Variants in RIT2 observed in about 807,000 individuals in gnomAD.
RIT2 encodes the protein Ras like without CAAX 2, also known as GTP-binding protein Rit2.
RIT2 carries 24 observed loss-of-function variants against 23.7 expected under a neutral mutation model. The ratio of observed to expected loss-of-function variants is 1.01; its 90% CI spans 0.73 to 1.43. The LOEUF is 1.43. RIT2 is among the 40% of genes most tolerant of loss of function. The pLI, the probability that RIT2 is intolerant of heterozygous loss-of-function variation, is 0.00. For synonymous variants in RIT2, 107 were observed against 91.1 expected, an observed-to-expected ratio of 1.17 and a Z score of -0.99; for missense variants, 236 against 266.9, an observed-to-expected ratio of 0.88 and a Z score of 0.81.
intron 1 of RIT2, among the ~76,000 whole-genome samples, chr18:43,104,601 T>C (rs1484995805): frequency 6.6e-6 from 1 of 152,196 alleles, no homozygotes; most frequent in East Asian, 1.9e-4. Context: ...ATTCCAGACT[T>C]CTGTTACTCA....
At position 42,928,109 on chromosome 18, in the gene RIT2, T is replaced by C. The variant is rs564265290; in HGVS notation, c.235-4346A>G. On this transcript the variant is annotated intron_variant, in intron 3 of 4. Coordinates refer to ENST00000326695, the MANE Select transcript of RIT2 (RefSeq NM_002930.4). The stretch of plus-strand genomic sequence containing the variant: ...TACTGATCTGAATCCCTTTTGGCCA[T>C]CTCTTTAATAAACCGCATGTCCACA... Among the ~76,000 whole-genome samples the C allele has an allele frequency of 1.2e-4, 19 of 152,016 alleles. No homozygotes were observed. In the South Asian group the frequency reaches 3.5e-3, roughly 28 times the overall value.
intron 4 of RIT2, among the ~76,000 whole-genome samples, chr18:42,863,985 G>T (rs1907400636): frequency 6.6e-6 from 1 of 151,238 alleles, no homozygotes; most frequent in Admixed American, 6.6e-5. Context: ...TTAAGAAATT[G>T]TTCTGGGGAA....
intron 4 of RIT2, among the ~76,000 whole-genome samples, chr18:42,750,899 C>T (rs1053405684): frequency 2.0e-5 from 3 of 151,644 alleles, no homozygotes; most frequent in African/African-American, 7.3e-5. Context: ...AATAAAGGCA[C>T]AAATAGAGAA....
At chr18:42,820,087 C>T (rs73486762) in intron 4 of RIT2, among the ~76,000 whole-genome samples, 3,622 of 152,202 alleles carry the variant, frequency 0.024, 157 homozygotes, top group African/African-American at 0.083. Flanking sequence ...TTAAGTTTCG[C>T]TTTTTGGAAC....
chr18:42,988,745 T>A (rs1203142644), intron 2 of RIT2, among the ~76,000 whole-genome samples: 1 of 152,122 alleles, frequency 6.6e-6, no homozygotes, highest in Non-Finnish European at 1.5e-5. Flanking sequence ...AAGCAGGGCC[T>A]GAGGGAATGA....
chr18:43,097,610 T>C (rs186778050), intron 1 of RIT2, among the ~76,000 whole-genome samples: 2 of 152,078 alleles, frequency 1.3e-5, no homozygotes, highest in African/African-American at 2.4e-5. Context: ...GTTCCTTTTG[T>C]CTGGAACAAA....
intron 1 of RIT2, among the ~76,000 whole-genome samples, chr18:43,112,779 A>T (rs887048198): frequency 4.6e-5 from 7 of 152,212 alleles, no homozygotes; most frequent in Admixed American, 3.3e-4. Context: ...TAATATACAT[A>T]AAAAATCTCC....
chr18:42,827,969 A>C (rs1453579240), intron 4 of RIT2, among the ~76,000 whole-genome samples: 1 of 145,512 alleles, frequency 6.9e-6, no homozygotes, highest in East Asian at 2.1e-4. Flanking sequence ...GCGCCACTGC[A>C]CTGCAGCCTG....
In RIT2 at chr18:42,974,095, G is replaced by A. The variant is rs2144204284; in HGVS notation, c.213C>T (p.Asp71=). 1.2e-6 allele frequency: 2 copies of A among 1,611,338 alleles called. No homozygotes were observed. Among genetic ancestry groups the A allele is most frequent in the Non-Finnish European group, 1.7e-6 (2 of 1,178,278 alleles). The change falls in exon 3 of 5, where the codon GAC becomes GAT. Residue 71 remains aspartate, a synonymous_variant. Transcript: ENST00000326695. ...CTACCTGGCCAGCAGTGTCCAAGAT[G>A]TCCAAGTAAGCTGGCTCATTGTCAA... The part of the protein sequence containing the change: ...VRIDNEPAYL[D]ILDTAGQAEF...
chr18:42,853,634 T>G (rs1008663079), intron 4 of RIT2, among the ~76,000 whole-genome samples: 1 of 152,248 alleles, frequency 6.6e-6, no homozygotes, highest in Non-Finnish European at 1.5e-5. Flanking sequence ...ATTATTATAA[T>G]TTTTATTTGG....
chr18:42,979,435 AT>A (rs1018416811), intron 2 of RIT2, among the ~76,000 whole-genome samples: 2 of 152,102 alleles, frequency 1.3e-5, no homozygotes, highest in African/African-American at 4.8e-5. Context: ...CAATGAAGCT[AT>A]TTTTCTATAA....
At chr18:43,041,038 C>A (rs1047633003) in intron 1 of RIT2, among the ~76,000 whole-genome samples, 4 of 151,924 alleles carry the variant, frequency 2.6e-5, no homozygotes, top group Non-Finnish European at 4.4e-5. Flanking sequence ...ATATTTATTG[C>A]TTTTAAAAAT....
chr18:42,951,947 G>A (rs1909861009), intron 3 of RIT2, among the ~76,000 whole-genome samples: 1 of 152,120 alleles, frequency 6.6e-6, no homozygotes, highest in African/African-American at 2.4e-5. Flanking sequence ...AGGCAAATGA[G>A]GAACAAAGTC....
chr18:42,915,897 T>C (rs1908896796), intron 4 of RIT2, among the ~76,000 whole-genome samples: 2 of 151,942 alleles, frequency 1.3e-5, no homozygotes, highest in South Asian at 4.1e-4. Flanking sequence ...ATATAGTATA[T>C]ATACACATGT....
chr18:42,864,033 A>C (rs891152800), intron 4 of RIT2, among the ~76,000 whole-genome samples: 2 of 143,390 alleles, frequency 1.4e-5, no homozygotes, highest in African/African-American at 5.5e-5. Flanking sequence ...ACAAGATTGT[A>C]TAAGAAAATG....
rs577780377 is a variant in RIT2 at position 42,905,790 on chromosome 18, A to G, written c.426+17782T>C. Among the ~76,000 whole-genome samples, 100 of 151,042 alleles carry G rather than the reference A, an allele frequency of 6.6e-4. 4 individuals are homozygous for G. In the South Asian group the frequency reaches 0.02, roughly 30 times the overall value. Reference sequence around the variant, plus strand: ...GCCCGGCCAAACACATGTATTTTTGATATTGGCTATATCTGCTCTAAAAGG... The same window carrying G: ...GCCCGGCCAAACACATGTATTTTTGGTATTGGCTATATCTGCTCTAAAAGG... On this transcript the variant is annotated intron_variant, in intron 4 of 4. Transcript: ENST00000326695.
chr18:42,767,298 C>A (rs1913447279), intron 4 of RIT2, among the ~76,000 whole-genome samples: 1 of 152,214 alleles, frequency 6.6e-6, no homozygotes, highest in Non-Finnish European at 1.5e-5. Context: ...CCATGGGAAC[C>A]CACCTCTTGC....
intron 4 of RIT2, among the ~76,000 whole-genome samples, chr18:42,877,605 C>T (rs1228552215): frequency 6.6e-6 from 1 of 150,818 alleles, no homozygotes; most frequent in Non-Finnish European, 1.5e-5. Flanking sequence ...TATATGCACA[C>T]ACATATGCAT....
chr18:42,763,036 A>G, intron 4 of RIT2, among the ~76,000 whole-genome samples: 1 of 152,262 alleles, frequency 6.6e-6, no homozygotes, highest in East Asian at 1.9e-4. Context: ...TATATGATAT[A>G]GCCTATTCTT....
Sources: gnomAD v4.1 joint callset for allele counts (sites outside exome capture counted in the v4.1 genomes callset) on GRCh38, gnomAD v4.1.1 for gene constraint, MANE v1.5 for transcripts, NCBI Gene and HGNC (gene_info 2026-07-23, HGNC 2026-07-21) for gene names.